COL7A1: variants seen among roughly 807,000 people sequenced by gnomAD.
COL7A1 encodes the protein collagen alpha-1(VII) chain.
In COL7A1, 296 loss-of-function variants were observed where a neutral mutation model predicts 456.2. The ratio of observed to expected loss-of-function variants is 0.65; its 90% CI spans 0.59 to 0.71. The LOEUF (loss-of-function observed/expected upper bound fraction) is 0.71, where lower values mean the gene tolerates loss of function less well. Among genes scored for constraint, COL7A1 ranks in the 30% least tolerant of loss-of-function variants. The probability of loss-of-function intolerance (pLI) is 0.00; values close to 1 mark genes in which losing one functional copy is unlikely to be tolerated. For missense variants in COL7A1, 3,441 were observed against 4,017.2 expected, an observed-to-expected ratio of 0.86 and a Z score of 3.88; for synonymous variants, 1,464 against 1,525.9, an observed-to-expected ratio of 0.96 and a Z score of 0.95.
At position 48,586,345 on chromosome 3, in the gene COL7A1, C is replaced by T; in HGVS notation, c.3537G>A (p.Glu1179=). Residue 1179 remains glutamate (E), a synonymous_variant, in exon 27 of 119, where the codon GAG becomes GAA. Coordinates refer to ENST00000681320, the MANE Select transcript of COL7A1 (RefSeq NM_000094.4). This position sits in a 1 kb window ranked among gnomAD's most constrained non-coding sequence, Gnocchi z 5.1. The part of the protein sequence containing the change: ...LRGDIFSPIR[E]AQASGLNVVM... ...CCTACTCCTTACCAGAAGCCTGGGC[C>T]TCACGGATGGGGCTGAATATGTCAC... 1 of 1,613,898 alleles carries T rather than the reference C, an allele frequency of 6.2e-7. No homozygotes were observed. Among genetic ancestry groups the T allele is most frequent in the Non-Finnish European group, 8.5e-7 (1 of 1,179,956 alleles).
Position 48,592,473 on chromosome 3 carries a change from G to A in COL7A1, c.977-6C>T. ...TTCCGGCCCTTCTAGGGCAGCTGGG[G>A]GAGAGTCCCACCAGGGATTCATGGA... On this transcript the variant is annotated splice_polypyrimidine_tract_variant and splice_region_variant and intron_variant, in intron 8 of 118. Coordinates refer to ENST00000681320, the MANE Select transcript of COL7A1 (RefSeq NM_000094.4). This position sits in a 1 kb window ranked among gnomAD's most constrained non-coding sequence, Gnocchi z 7.6. 1.9e-6 allele frequency: 3 copies of A among 1,613,556 alleles called. No homozygotes were observed. The highest frequency in any genetic ancestry group is 2.5e-6 in the Non-Finnish European group (3 of 1,179,998).
Position 48,564,849 on chromosome 3 carries a change from G to A in COL7A1, c.8752C>T (p.Arg2918Cys), listed in dbSNP as rs572217586. 24 of 1,614,104 alleles carry A rather than the reference G, an allele frequency of 1.5e-5. No homozygotes were observed. The highest frequency in any genetic ancestry group is 5.5e-5 in the South Asian group (5 of 91,080). The stretch of plus-strand genomic sequence containing the variant: ...TCGCAGGCCTCACGGGTCCCAAAAC[G>A]GTTGGCATTCCCTCCACAGCCACCA... ...VYGGCGGNAN[R>C]FGTREACERR... The change falls in exon 118 of 119, where the codon CGT (arginine) becomes TGT (cysteine). Residue 2918 changes from arginine (R) to cysteine (C), a missense_variant. Coordinates refer to ENST00000681320, the MANE Select transcript of COL7A1 (RefSeq NM_000094.4). This position sits in a 1 kb window ranked among gnomAD's most constrained non-coding sequence, Gnocchi z 6.0.
In COL7A1 at chr3:48,575,284, T is replaced by TTGGCC; in HGVS notation, c.6181-43_6181-42insGGCCA. The stretch of plus-strand genomic sequence containing the variant: ...GGGTGAGGGCCAAGCCCATGGGGGG[T>TTGGCC]CCCACCCCTCCCAACCCCTCTTCCC... On this transcript the variant is annotated intron_variant, in intron 74 of 118. Coordinates refer to ENST00000681320, the MANE Select transcript of COL7A1 (RefSeq NM_000094.4). The surrounding 1 kb of genome is among the most constrained non-coding windows in gnomAD (Gnocchi z 6.3). The TTGGCC allele has an allele frequency of 2.6e-6, 4 of 1,533,426 alleles. No homozygotes were observed. Among genetic ancestry groups the TTGGCC allele is most frequent in the Non-Finnish European group, 3.6e-6 (4 of 1,110,778 alleles). 95.0% of individuals were successfully genotyped at this position (1,533,426 alleles called of 1,614,324 possible).
rs769023345 is a variant in COL7A1 at position 48,583,543 on chromosome 3, C to A, written c.4401+13G>T. ...TGCCCACCATATTCAGAATCCCTGG[C>A]CCCTCCACTCACCTGCTCACCCGGA... On this transcript the variant is annotated intron_variant, in intron 41 of 118. Coordinates refer to ENST00000681320, the MANE Select transcript of COL7A1 (RefSeq NM_000094.4). This position sits in a 1 kb window ranked among gnomAD's most constrained non-coding sequence, Gnocchi z 5.1. 6.2e-7 allele frequency: 1 copy of A among 1,613,988 alleles called. No individual in the cohort carries two copies. Among genetic ancestry groups the A allele is most frequent in the Non-Finnish European group, 8.5e-7 (1 of 1,179,962 alleles).
At position 48,572,668 on chromosome 3, in the gene COL7A1, C is replaced by T. The variant is rs777981069; in HGVS notation, c.6900+3G>A. 2.5e-6 allele frequency: 4 copies of T among 1,602,452 alleles called. No individual in the cohort carries two copies. In the Admixed American group the frequency reaches 5.1e-5, roughly 21 times the overall value. The stretch of plus-strand genomic sequence containing the variant: ...GGGGGTGGAAGTCAGGGTCAAAGAT[C>T]ACCTGTCCAGGGGCCCCCGTGGGGC... On this transcript the variant is annotated splice_donor_region_variant and intron_variant, in intron 88 of 118. Transcript: ENST00000681320. The surrounding 1 kb of genome is among the most constrained non-coding windows in gnomAD (Gnocchi z 4.6).
At position 48,569,259 on chromosome 3, in the gene COL7A1, C is replaced by G; in HGVS notation, c.7686+116G>C. The G allele has an allele frequency of 7.7e-7, 1 of 1,293,396 alleles. No individual in the cohort carries two copies. Among genetic ancestry groups the G allele is most frequent in the Non-Finnish European group, 1.1e-6 (1 of 892,642 alleles). 80.1% of individuals were successfully genotyped at this position (1,293,396 alleles called of 1,614,324 possible). On this transcript the variant is annotated intron_variant, in intron 103 of 118. Transcript: ENST00000681320. The surrounding 1 kb of genome is among the most constrained non-coding windows in gnomAD (Gnocchi z 4.9). ...CACTCCATAGTCAGCCACAGAACCC[C>G]TTCCCCCTAAACCCCAGAAAGCCTC...
chr3:48,592,472 G>C lies in COL7A1; in HGVS notation c.977-5C>G, dbSNP rs778002076. 1 of 1,613,540 alleles carries C rather than the reference G, an allele frequency of 6.2e-7. No individual in the cohort carries two copies. The highest frequency in any genetic ancestry group is 1.1e-5 in the South Asian group (1 of 91,072). ...GTTCCGGCCCTTCTAGGGCAGCTGG[G>C]GGAGAGTCCCACCAGGGATTCATGG... On this transcript the variant is annotated splice_polypyrimidine_tract_variant and splice_region_variant and intron_variant, in intron 8 of 118. Coordinates refer to ENST00000681320, the MANE Select transcript of COL7A1 (RefSeq NM_000094.4). The surrounding 1 kb of genome is among the most constrained non-coding windows in gnomAD (Gnocchi z 7.6).
chr3:48,580,045 G>A lies in COL7A1; in HGVS notation c.5110C>T (p.Pro1704Ser), dbSNP rs1208830692. ...GDRGEPGPPGPPGRLVDTGPG... is the reference protein window; with the variant it reads ...GDRGEPGPPGSPGRLVDTGPG... ...GCAGCCCTTACCAGCCGTCCCGGGG[G>A]TCCTGGGGGACCCTGGGAAAGGAAA... The change falls in exon 57 of 119, where the codon CCC (proline) becomes TCC (serine). Residue 1704 changes from proline to serine, a missense_variant. Transcript: ENST00000681320. The surrounding 1 kb of genome is among the most constrained non-coding windows in gnomAD (Gnocchi z 4.5). 6.2e-7 allele frequency: 1 copy of A among 1,614,022 alleles called. No individual in the cohort carries two copies. The highest frequency in any genetic ancestry group is 8.5e-7 in the Non-Finnish European group (1 of 1,179,964).
In COL7A1 at chr3:48,586,312, C is replaced by A. The variant is rs373711223; in HGVS notation, c.3550+20G>T. The A allele has an allele frequency of 5.0e-6, 8 of 1,613,736 alleles. No homozygotes were observed. In the African/African-American group the frequency reaches 9.3e-5, roughly 19 times the overall value. On this transcript the variant is annotated intron_variant, in intron 27 of 118. Transcript: ENST00000681320. This position sits in a 1 kb window ranked among gnomAD's most constrained non-coding sequence, Gnocchi z 5.1. ...GCCACCCCTATTCCCAGACCCCTTC[C>A]CCATCAGCCTACTCCTTACCAGAAG...
Position 48,592,155 on chromosome 3 carries a change from C to T in COL7A1, c.1187G>A (p.Ser396Asn). 6.2e-7 allele frequency: 1 copy of T among 1,614,106 alleles called. No homozygotes were observed. Among genetic ancestry groups the T allele is most frequent in the Admixed American group, 1.7e-5 (1 of 60,032 alleles). ...CCCCACACTGCGGCCAAATAGGGTG[C>T]TCACGGTCACCTCATAGTCCGTGCC... is the stretch of plus-strand genomic sequence containing the variant. ...EPGTDYEVTV[S>N]TLFGRSVGPA... Residue 396 changes from serine to asparagine, a missense_variant, in exon 10 of 119, where the codon AGC (serine) becomes AAC (asparagine). Around this residue, in one of 3 missense-constraint regions of COL7A1, gnomAD observed 913 missense variants for 1,088.2 expected, o/e 0.84. Coordinates refer to ENST00000681320, the MANE Select transcript of COL7A1 (RefSeq NM_000094.4). The surrounding 1 kb of genome is among the most constrained non-coding windows in gnomAD (Gnocchi z 7.6).
In COL7A1 at chr3:48,564,840, TC is replaced by T. The variant is rs1486657575; in HGVS notation, c.8760del (p.Thr2921ProfsTer31). On this transcript the variant is annotated frameshift_variant, in exon 118 of 119. Transcript: ENST00000681320. LOFTEE classifies it high-confidence loss of function. The surrounding 1 kb of genome is among the most constrained non-coding windows in gnomAD (Gnocchi z 6.0). ...GGCGGNANRF[G>X]TREACERRCP... ...CAGCGGCGCTCGCAGGCCTCACGGGTCCCAAAACGGTTGGCATTCCCTCCAC... is the reference window on the plus strand; with the variant it reads ...CAGCGGCGCTCGCAGGCCTCACGGGTCCAAAACGGTTGGCATTCCCTCCAC... 6.2e-7 allele frequency: 1 copy of T among 1,613,866 alleles called. No homozygotes were observed. Among genetic ancestry groups the T allele is most frequent in the Non-Finnish European group, 8.5e-7 (1 of 1,179,964 alleles).
chr3:48,567,018 G>A lies in COL7A1; in HGVS notation c.8115C>T (p.Thr2705=). 1 of 1,613,124 alleles carries A rather than the reference G, an allele frequency of 6.2e-7. No individual in the cohort carries two copies. Among genetic ancestry groups the A allele is most frequent in the Non-Finnish European group, 8.5e-7 (1 of 1,179,308 alleles). The change falls in exon 111 of 119, where the codon ACC becomes ACT. Residue 2705 remains threonine (T), a synonymous_variant. Transcript: ENST00000681320. This position sits in a 1 kb window ranked among gnomAD's most constrained non-coding sequence, Gnocchi z 4.3. ...GDQGEKGERG[T]PGIGGFPGPS... ...GGCCTGGGAAGCCCCCAATTCCTGG[G>A]GTTCCCTGGGGAGATATAGGACAGA... is the stretch of plus-strand genomic sequence containing the variant.
rs756112109 is a variant in COL7A1 at position 48,591,851 on chromosome 3, AG to A, written c.1358-30del. 13 of 1,614,180 alleles carry A rather than the reference AG, an allele frequency of 8.1e-6. No individual in the cohort carries two copies. The highest frequency in any genetic ancestry group is 1.0e-5 in the Non-Finnish European group (12 of 1,180,016). ...CAAGATAACAGGGTCAGACCAGCAG[AG>A]GCCATGCCCTGACCCTTGCCTGTCC... On this transcript the variant is annotated intron_variant, in intron 11 of 118. Coordinates refer to ENST00000681320, the MANE Select transcript of COL7A1 (RefSeq NM_000094.4). The surrounding 1 kb of genome is among the most constrained non-coding windows in gnomAD (Gnocchi z 7.0).
rs1361055974 is a variant in COL7A1 at position 48,590,209 on chromosome 3, T to C, written c.2050+4A>G. 1.9e-6 allele frequency: 3 copies of C among 1,612,896 alleles called. No individual in the cohort carries two copies. Among genetic ancestry groups the C allele is most frequent in the South Asian group, 2.2e-5 (2 of 91,046 alleles). On this transcript the variant is annotated splice_donor_region_variant and intron_variant, in intron 16 of 118. Transcript: ENST00000681320. The surrounding 1 kb of genome is among the most constrained non-coding windows in gnomAD (Gnocchi z 4.6). ...AGAGCCAAGGGACGGGGGCAGGGCC[T>C]GACCCGTTCGAGCCACGATGACTGC... is the stretch of plus-strand genomic sequence containing the variant.
Position 48,569,780 on chromosome 3 carries a change from G to C in COL7A1, c.7522-20C>G. ...ATCACCCTATTGGGCAAAAGAGTGTGAGTCCCGCCCAAACTGGGGAGGCCC... is the reference window on the plus strand; with the variant it reads ...ATCACCCTATTGGGCAAAAGAGTGTCAGTCCCGCCCAAACTGGGGAGGCCC... On this transcript the variant is annotated intron_variant, in intron 100 of 118. Transcript: ENST00000681320. This position sits in a 1 kb window ranked among gnomAD's most constrained non-coding sequence, Gnocchi z 4.9. 1 of 1,614,144 alleles carries C rather than the reference G, an allele frequency of 6.2e-7. No homozygotes were observed. Among genetic ancestry groups the C allele is most frequent in the Non-Finnish European group, 8.5e-7 (1 of 1,180,020 alleles).
chr3:48,594,868 A>C lies in COL7A1; in HGVS notation c.85+207T>G, dbSNP rs560159428. On this transcript the variant is annotated intron_variant, in intron 2 of 118. Coordinates refer to ENST00000681320, the MANE Select transcript of COL7A1 (RefSeq NM_000094.4). The surrounding 1 kb of genome is among the most constrained non-coding windows in gnomAD (Gnocchi z 5.5). ...ACCCCGCACGCATCCAGGGAGCCAG[A>C]ATTTGGGTAGGAACAGGATAGGAGG... Among the ~76,000 whole-genome samples the C allele has an allele frequency of 2.0e-5, 3 of 152,132 alleles. No individual in the cohort carries two copies. The East Asian group carries it at 5.8e-4, about 29-fold the overall frequency.
rs958074018 is a variant in COL7A1 at position 48,579,918 on chromosome 3, C to A, written c.5125-104G>T. 13 of 1,607,728 alleles carry A rather than the reference C, an allele frequency of 8.1e-6. No individual in the cohort carries two copies. The highest frequency in any genetic ancestry group is 1.3e-5 in the African/African-American group (1 of 74,754). On this transcript the variant is annotated intron_variant, in intron 57 of 118. Coordinates refer to ENST00000681320, the MANE Select transcript of COL7A1 (RefSeq NM_000094.4). The surrounding 1 kb of genome is among the most constrained non-coding windows in gnomAD (Gnocchi z 4.4). ...GGGCTCCAGGGATCCGCGGAGGTTT[C>A]AGAGGGACAGTGGGGGAAGTGGGAG... is the stretch of plus-strand genomic sequence containing the variant.
In COL7A1 at chr3:48,579,966, A is replaced by G. The variant is rs932027153; in HGVS notation, c.5124+65T>C. ...GAGTTAGTGGAAGGAATGAGGGGAC[A>G]TGATGTGGAGCCAAAGGGGCAAGTG... On this transcript the variant is annotated intron_variant, in intron 57 of 118. Coordinates refer to ENST00000681320, the MANE Select transcript of COL7A1 (RefSeq NM_000094.4). This position sits in a 1 kb window ranked among gnomAD's most constrained non-coding sequence, Gnocchi z 4.4. 5.0e-6 allele frequency: 8 copies of G among 1,610,596 alleles called. No homozygotes were observed. Among genetic ancestry groups the G allele is most frequent in the African/African-American group, 2.7e-5 (2 of 74,826 alleles).
Position 48,568,279 on chromosome 3 carries a change from G to T in COL7A1, c.7795-109C>A. 2 of 1,307,906 alleles carry T rather than the reference G, an allele frequency of 1.5e-6. No individual in the cohort carries two copies. The highest frequency in any genetic ancestry group is 1.8e-4 in the Middle Eastern group (1 of 5,474). The allele number at this position is 1,307,906 out of a possible 1,614,324, so 81.0% of individuals were successfully genotyped here. On this transcript the variant is annotated intron_variant, in intron 105 of 118. Transcript: ENST00000681320. This position sits in a 1 kb window ranked among gnomAD's most constrained non-coding sequence, Gnocchi z 5.2. ...CCATGGGGTGGGAGTCACCTCTGGAGGCCAGAGCCACTGGGGCTTGCCATG... is the reference window on the plus strand; with the variant it reads ...CCATGGGGTGGGAGTCACCTCTGGATGCCAGAGCCACTGGGGCTTGCCATG...
Sources: allele counts gnomAD v4.1 joint callset (sites outside exome capture counted in the v4.1 genomes callset), GRCh38; gene constraint gnomAD v4.1.1; regional missense constraint gnomAD v4.1.1; non-coding constraint Gnocchi (gnomAD v3.1); transcripts MANE v1.5; gene names NCBI Gene and HGNC (gene_info 2026-07-23, HGNC 2026-07-21).